RLIM: variants seen among roughly 807,000 people sequenced by gnomAD.
The protein encoded by RLIM is E3 ubiquitin-protein ligase RLIM.
A neutral mutation model predicts 34.0 loss-of-function variants in RLIM; 2 were observed. The ratio of observed to expected loss-of-function variants is 0.06; its 90% confidence interval spans 0.02 to 0.19. The LOEUF is 0.19. Among genes scored for constraint, RLIM ranks in the 10% least tolerant of loss-of-function variants. The pLI is 1.00. For missense variants in RLIM, 286 were observed against 479.7 expected, an observed-to-expected ratio of 0.60 and a Z score of 3.77; for synonymous variants, 169 against 164.0, an observed-to-expected ratio of 1.03 and a Z score of -0.23.
At chrX:74,601,817 G>A (rs993296851) in intron 1 of RLIM, among the ~76,000 whole-genome samples, 1 of 111,617 alleles carries the variant, frequency 9.0e-6, no homozygotes, top group Non-Finnish European at 1.9e-5. Context: ...TGGAAATCTT[G>A]TTAAAATACA....
At chrX:74,609,487 CAA>C (rs752008137) in intron 1 of RLIM, among the ~76,000 whole-genome samples, 52 of 32,784 alleles carry the variant, frequency 1.6e-3, no homozygotes, top group African/African-American at 4.3e-3. Flanking sequence ...GACTCCGTTT[CAA>C]AAAAAAAAAA....
At chrX:74,605,426 T>C (rs2079678448) in intron 1 of RLIM, among the ~76,000 whole-genome samples, 1 of 112,269 alleles carries the variant, frequency 8.9e-6, no homozygotes, top group African/African-American at 3.2e-5. Context: ...TATCTCCATT[T>C]TGGGTGTGAA....
In RLIM at chrX:74,587,702, C is replaced by T. The variant is rs1464803067; in HGVS notation, c.*3738G>A. Reference sequence around the variant, plus strand: ...CGAAAGTCATGGCTGATGCTTCACCCATTTCATGTCATGGACGCCTGGGAA... The same window carrying T: ...CGAAAGTCATGGCTGATGCTTCACCTATTTCATGTCATGGACGCCTGGGAA... On this transcript the variant is annotated 3_prime_UTR_variant, in exon 4 of 4. Coordinates refer to ENST00000332687, the MANE Select transcript of RLIM (RefSeq NM_016120.4). 1.8e-5 allele frequency: 2 copies of T among 111,665 alleles called. No homozygotes were observed. Among genetic ancestry groups the T allele is most frequent in the Admixed American group, 1.9e-4 (2 of 10,507 alleles). 9.2% of individuals were successfully genotyped at this position (111,665 alleles called of 1,213,427 possible).
At position 74,583,897 on chromosome X, in the gene RLIM, T is replaced by A. The variant is rs1348832416; in HGVS notation, c.*7543A>T. 9.1e-6 allele frequency among the ~76,000 whole-genome samples: 1 copy of A among 109,692 alleles called. No individual in the cohort carries two copies. Among genetic ancestry groups the A allele is most frequent in the Non-Finnish European group, 1.9e-5 (1 of 52,555 alleles). The stretch of plus-strand genomic sequence containing the variant: ...CCTGTCTCTACTAAAAATAGAAAAA[T>A]TAGCTGGGCGTGGTGGCGGGCGCCT... On this transcript the variant is annotated 3_prime_UTR_variant, in exon 4 of 4. Coordinates refer to ENST00000332687, the MANE Select transcript of RLIM (RefSeq NM_016120.4).
At chrX:74,606,539 G>A (rs1010292521) in intron 1 of RLIM, among the ~76,000 whole-genome samples, 2 of 111,783 alleles carry the variant, frequency 1.8e-5, no homozygotes, top group African/African-American at 3.3e-5. Flanking sequence ...GCTAAATGTA[G>A]TATCTCATTT....
At chrX:74,594,927 G>A (rs773419484) in intron 2 of RLIM, among the ~76,000 whole-genome samples, 11 of 103,619 alleles carry the variant, frequency 1.1e-4, no homozygotes, top group African/African-American at 3.2e-4. Flanking sequence ...AAAAGGCAAA[G>A]GCAATTCTAA....
Position 74,591,424 on chromosome X carries a change from A to C in RLIM, c.*16T>G. The C allele has an allele frequency of 8.4e-7, 1 of 1,190,637 alleles. No homozygotes were observed. The highest frequency in any genetic ancestry group is 1.1e-6 in the Non-Finnish European group (1 of 878,282). On this transcript the variant is annotated 3_prime_UTR_variant, in exon 4 of 4. Transcript: ENST00000332687. ...CATCACTATATCAGCTACATAGCTG[A>C]GAGTTCAGATCTTAATTACACAACA...
At chrX:74,598,266 G>A (rs889304298) in intron 1 of RLIM, among the ~76,000 whole-genome samples, 1 of 111,411 alleles carries the variant, frequency 9.0e-6, no homozygotes, top group East Asian at 2.8e-4. Flanking sequence ...GTGCAACTGA[G>A]GAGCTTCCAT....
At position 74,588,751 on chromosome X, in the gene RLIM, G is replaced by T. The variant is rs1454020906; in HGVS notation, c.*2689C>A. On this transcript the variant is annotated 3_prime_UTR_variant, in exon 4 of 4. Coordinates refer to ENST00000332687, the MANE Select transcript of RLIM (RefSeq NM_016120.4). Reference sequence around the variant, plus strand: ...GCAAAGATAGAAAATGAAATGTAAGGTGTTTTGCAAGAAATGCTCCCTCGA... The same window carrying T: ...GCAAAGATAGAAAATGAAATGTAAGTTGTTTTGCAAGAAATGCTCCCTCGA... 1 of 111,862 alleles carries T rather than the reference G, an allele frequency of 8.9e-6. No homozygotes were observed. The highest frequency in any genetic ancestry group is 9.5e-5 in the Admixed American group (1 of 10,488). 9.2% of individuals were successfully genotyped at this position (111,862 alleles called of 1,213,427 possible).
In RLIM at chrX:74,592,581, C is replaced by T. The variant is rs1344274703; in HGVS notation, c.734G>A (p.Ser245Asn). The T allele has an allele frequency of 8.3e-7, 1 of 1,210,304 alleles. No individual in the cohort carries two copies. The highest frequency in any genetic ancestry group is 2.2e-5 in the Admixed American group (1 of 45,760). ...MSEIPRRSHH[S>N]ISSQTFEHPL... ...ATGTTCAAAAGTCTGAGATGAGATACTATGATGAGATCTTCGTGGAATTTC... is the reference window on the plus strand; with the variant it reads ...ATGTTCAAAAGTCTGAGATGAGATATTATGATGAGATCTTCGTGGAATTTC... Residue 245 changes from serine (S) to asparagine (N), a missense_variant, in exon 4 of 4, where the codon AGT becomes AAT. Transcript: ENST00000332687.
chrX:74,607,592 C>G (rs1468224182), intron 1 of RLIM, among the ~76,000 whole-genome samples: 1 of 112,615 alleles, frequency 8.9e-6, no homozygotes, highest in Non-Finnish European at 1.9e-5. Context: ...GCCTGTAATC[C>G]CAGCTACTCA....
At chrX:74,613,955 G>A (rs1387864530) in intron 1 of RLIM, among the ~76,000 whole-genome samples, 1 of 110,447 alleles carries the variant, frequency 9.1e-6, no homozygotes, top group Non-Finnish European at 1.9e-5. Flanking sequence ...AGGCCCAAGA[G>A]TTGCCAGCAT....
rs1452192582 is a variant in RLIM at position 74,590,515 on chromosome X, G to A, written c.*925C>T. ...CTTCAACACGGTTTAATTCTGCACT[G>A]TCCTTTCCTTTGCATGTCACAGTAG... On this transcript the variant is annotated 3_prime_UTR_variant, in exon 4 of 4. Transcript: ENST00000332687. 1.8e-5 allele frequency: 2 copies of A among 112,306 alleles called. No individual in the cohort carries two copies. The highest frequency in any genetic ancestry group is 3.2e-5 in the African/African-American group (1 of 30,811). 9.3% of individuals were successfully genotyped at this position (112,306 alleles called of 1,213,427 possible).
intron 1 of RLIM, among the ~76,000 whole-genome samples, chrX:74,613,618 G>C (rs12690274): frequency 0.026 from 2,538 of 96,918 alleles, 38 homozygotes; most frequent in South Asian, 0.16. Flanking sequence ...ACCGTCTGCA[G>C]AAGCAGAGAC....
intron 1 of RLIM, among the ~76,000 whole-genome samples, chrX:74,601,138 G>A (rs747147085): frequency 2.8e-4 from 31 of 112,093 alleles, no homozygotes; most frequent in Non-Finnish European, 5.1e-4. Flanking sequence ...GTCTTGTACT[G>A]AGTATGGAGG....
intron 1 of RLIM, among the ~76,000 whole-genome samples, chrX:74,610,466 ACC>A (rs1491363559): frequency 1.1e-4 from 11 of 98,346 alleles, no homozygotes; most frequent in African/African-American, 4.6e-4. Context: ...AACAAAAAAA[ACC>A]AAAAAAAAAA....
rs1025216248 is a variant in RLIM at position 74,590,192 on chromosome X, T to G, written c.*1248A>C. 8.9e-6 allele frequency: 1 copy of G among 111,825 alleles called. No individual in the cohort carries two copies. Among genetic ancestry groups the G allele is most frequent in the African/African-American group, 3.3e-5 (1 of 30,666 alleles). 9.2% of individuals were successfully genotyped at this position (111,825 alleles called of 1,213,427 possible). A position where few individuals can be genotyped will look rare whatever the true frequency, so the allele number is the denominator to read the frequency against. ...TCATATGCTAAAAGTGGTTTTATAG[T>G]CTCTTTCCTCCATTTTTTCATTTTT... On this transcript the variant is annotated 3_prime_UTR_variant, in exon 4 of 4. Coordinates refer to ENST00000332687, the MANE Select transcript of RLIM (RefSeq NM_016120.4).
At chrX:74,608,375 TTCTATCTCCA>T (rs1184266022) in intron 1 of RLIM, among the ~76,000 whole-genome samples, 5 of 109,222 alleles carry the variant, frequency 4.6e-5, no homozygotes, top group African/African-American at 1.3e-4. Flanking sequence ...CTCAATGTAC[TTCTATCTCCA>T]CTCACGCAGT....
chrX:74,594,292 A>G lies in RLIM; in HGVS notation c.253+14T>C. Reference sequence around the variant, plus strand: ...CCATCGTCTATCCACCTCCCCACCAAAACCAAAACATACCTCTATTTTCAT... The same window carrying G: ...CCATCGTCTATCCACCTCCCCACCAGAACCAAAACATACCTCTATTTTCAT... On this transcript the variant is annotated intron_variant, in intron 3 of 3. Coordinates refer to ENST00000332687, the MANE Select transcript of RLIM (RefSeq NM_016120.4). 4.2e-6 allele frequency: 5 copies of G among 1,184,323 alleles called. No individual in the cohort carries two copies. Among genetic ancestry groups the G allele is most frequent in the Non-Finnish European group, 5.7e-6 (5 of 881,160 alleles).
Sources: gnomAD v4.1 joint callset for allele counts (sites outside exome capture counted in the v4.1 genomes callset) on GRCh38, gnomAD v4.1.1 for gene constraint, MANE v1.5 for transcripts, NCBI Gene and HGNC (gene_info 2026-07-23, HGNC 2026-07-21) for gene names.